Variants in PTPRO observed in about 807,000 individuals in gnomAD.
PTPRO encodes the protein receptor-type tyrosine-protein phosphatase O.
A neutral mutation model predicts 145.2 loss-of-function variants in PTPRO; 62 were observed. The observed-to-expected ratio is 0.43, with a 90% CI of 0.35 to 0.53. The LOEUF (loss-of-function observed/expected upper bound fraction) is 0.53, where lower values mean the gene tolerates loss of function less well. PTPRO is among the 20% of genes least tolerant of loss of function. The pLI, the probability that PTPRO is intolerant of heterozygous loss-of-function variation, is 0.01. For missense variants in PTPRO, 1,345 were observed against 1,482.7 expected, an observed-to-expected ratio of 0.91 and a Z score of 1.53; for synonymous variants, 565 against 514.7, an observed-to-expected ratio of 1.10 and a Z score of -1.32.
rs34411111 is a variant in PTPRO at position 15,528,522 on chromosome 12, C to CAAA, written c.2164+2270_2164+2272dup. Reference sequence around the variant, plus strand: ...CCTGGGTGACAGAGCAAGAATCTGTCAAAAAAAAAAAAGGTATTAAAAAAA... The same window carrying CAAA: ...CCTGGGTGACAGAGCAAGAATCTGTCAAAAAAAAAAAAAAAGGTATTAAAAAAA... On this transcript the variant is annotated intron_variant, in intron 12 of 26. Transcript: ENST00000281171. Among the ~76,000 whole-genome samples, 172 of 130,230 alleles carry CAAA rather than the reference C, an allele frequency of 1.3e-3. No individual in the cohort carries two copies. In the East Asian group the frequency reaches 0.016, roughly 12 times the overall value. 85.4% of individuals were successfully genotyped at this position (130,230 alleles called of 152,430 possible).
At chr12:15,564,792 C>T (rs984908864) in intron 17 of PTPRO, among the ~76,000 whole-genome samples, 1 of 152,152 alleles carries the variant, frequency 6.6e-6, no homozygotes, top group African/African-American at 2.4e-5. Flanking sequence ...ATCACTTGTA[C>T]AGTCAATCAT....
chr12:15,408,619 G>C (rs1161720049), intron 1 of PTPRO, among the ~76,000 whole-genome samples: 1 of 152,016 alleles, frequency 6.6e-6, no homozygotes, highest in Admixed American at 6.6e-5. Flanking sequence ...GTAGAGACAG[G>C]GTTTCACCAT....
chr12:15,581,298 C>CTTTTTTTTTTTTTTTTTTTTTTTTTTT (rs147606138), intron 22 of PTPRO, among the ~76,000 whole-genome samples: 1 of 123,030 alleles, frequency 8.1e-6, no homozygotes, highest in Non-Finnish European at 1.6e-5. Context: ...TGAGTGCTTT[C>CTTTTTTTTTTTTTTTTTTTTTTTTTTT]TTTTTTTTTT....
At chr12:15,580,001 C>T in intron 20 of PTPRO, 38 bp from the exon 21 acceptor site, 2 of 1,552,190 alleles carry the variant, frequency 1.3e-6, no homozygotes, top group South Asian at 1.1e-5. Context: ...TTCCTTCCAT[C>T]TTGAATTTTA....
chr12:15,415,597 G>A (rs1034870424), intron 1 of PTPRO, among the ~76,000 whole-genome samples: 5 of 151,550 alleles, frequency 3.3e-5, no homozygotes, highest in East Asian at 3.9e-4. Flanking sequence ...ATGTTAGCCA[G>A]GATGGTCTCG....
rs541278960 is a variant in PTPRO, at chr12:15,431,665, T to C, written c.76-52309T>C. On this transcript the variant is annotated intron_variant, in intron 1 of 26. Coordinates refer to ENST00000281171, the MANE Select transcript of PTPRO (RefSeq NM_030667.3). ...ACATAAGAAATTCATGATTTTTCTATACTGCTACAAATTTGGATAACTTCA... is the reference window on the plus strand; with the variant it reads ...ACATAAGAAATTCATGATTTTTCTACACTGCTACAAATTTGGATAACTTCA... Among the ~76,000 whole-genome samples, 277 of 152,320 alleles carry C rather than the reference T, an allele frequency of 1.8e-3. 2 individuals are homozygous for C. The highest frequency in any genetic ancestry group is 6.3e-3 in the African/African-American group (264 of 41,582).
At chr12:15,580,962 T>C (rs1345338444) in intron 22 of PTPRO, 131 bp downstream of exon 22, 2 of 1,283,366 alleles carry the variant, frequency 1.6e-6, no homozygotes, top group African/African-American at 2.9e-5. Flanking sequence ...AACATTGTAT[T>C]CGGGAAGCAA....
intron 1 of PTPRO, among the ~76,000 whole-genome samples, chr12:15,332,929 T>C (rs1237562207): frequency 2.0e-5 from 3 of 152,218 alleles, no homozygotes; most frequent in Admixed American, 1.3e-4. Context: ...TGATGGCTTA[T>C]AAAGATAAAA....
chr12:15,554,473 ATT>A (rs1565424830), intron 15 of PTPRO, among the ~76,000 whole-genome samples: 2 of 151,962 alleles, frequency 1.3e-5, no homozygotes, highest in African/African-American at 4.8e-5. Flanking sequence ...ATGGGAGTTT[ATT>A]AAGTATTAAC....
chr12:15,426,060 A>C (rs1195977027), intron 1 of PTPRO, among the ~76,000 whole-genome samples: 2 of 151,590 alleles, frequency 1.3e-5, no homozygotes, highest in Non-Finnish European at 2.9e-5. Flanking sequence ...ACTAGAATAT[A>C]GGGTGTCTTT....
At chr12:15,502,460 G>T (rs984755024) in intron 5 of PTPRO, among the ~76,000 whole-genome samples, 11 of 152,078 alleles carry the variant, frequency 7.2e-5, no homozygotes, top group Admixed American at 6.6e-5. Context: ...TTTAAACATG[G>T]CAGCAAAGTA....
At chr12:15,332,725 C>G (rs543493096) in intron 1 of PTPRO, among the ~76,000 whole-genome samples, 1 of 152,310 alleles carries the variant, frequency 6.6e-6, no homozygotes, top group East Asian at 1.9e-4. Context: ...ACATTACCAA[C>G]AGCTGTAAAG....
rs542547515 is a variant in PTPRO, at chr12:15,342,310, ATTG to A, written c.75+19515_75+19517del. 4.7e-4 allele frequency among the ~76,000 whole-genome samples: 72 copies of A among 152,274 alleles called. 2 individuals are homozygous for A. In the South Asian group the frequency reaches 0.014, roughly 30 times the overall value. ...ACTGACCAGATCATTCTCATTAAAA[ATTG>A]TTGTTTATCTAATTTCATACCCATA... On this transcript the variant is annotated intron_variant, in intron 1 of 26. Coordinates refer to ENST00000281171, the MANE Select transcript of PTPRO (RefSeq NM_030667.3).
At chr12:15,503,095 A>C (rs1942253704) in intron 5 of PTPRO, among the ~76,000 whole-genome samples, 1 of 152,092 alleles carries the variant, frequency 6.6e-6, no homozygotes, top group Non-Finnish European at 1.5e-5. Context: ...ATTTTCCTGG[A>C]ATTTCCTATT....
chr12:15,551,273 T>A (rs1466194431), intron 14 of PTPRO, among the ~76,000 whole-genome samples: 1 of 152,240 alleles, frequency 6.6e-6, no homozygotes. Flanking sequence ...ACAGGTATTC[T>A]TCATTCTTTA....
At chr12:15,415,604 C>G (rs1196535503) in intron 1 of PTPRO, among the ~76,000 whole-genome samples, 1 of 151,622 alleles carries the variant, frequency 6.6e-6, no homozygotes, top group African/African-American at 2.4e-5. Flanking sequence ...CCAGGATGGT[C>G]TCGATCTCCC....
At chr12:15,419,181 A>T (rs371142996) in intron 1 of PTPRO, among the ~76,000 whole-genome samples, 1 of 150,894 alleles carries the variant, frequency 6.6e-6, no homozygotes, top group South Asian at 2.1e-4. Context: ...GCTTATTGAA[A>T]TAAGCCACCT....
At chr12:15,350,347 A>G (rs542355098) in intron 1 of PTPRO, among the ~76,000 whole-genome samples, 17 of 152,258 alleles carry the variant, frequency 1.1e-4, no homozygotes, top group African/African-American at 3.9e-4. Flanking sequence ...AAGACCTACT[A>G]TGTCATACAG....
chr12:15,567,101 A>G (rs1175992900), intron 18 of PTPRO, among the ~76,000 whole-genome samples: 1 of 152,180 alleles, frequency 6.6e-6, no homozygotes, highest in Admixed American at 6.5e-5. Context: ...GAGAAGCAAG[A>G]CCCAGACAAA....
Sources: allele counts gnomAD v4.1 joint callset (sites outside exome capture counted in the v4.1 genomes callset), GRCh38; gene constraint gnomAD v4.1.1; transcripts MANE v1.5; gene names NCBI Gene and HGNC (gene_info 2026-07-23, HGNC 2026-07-21).